ANKMY2: variants seen among roughly 807,000 people sequenced by gnomAD.
ANKMY2 encodes ankyrin repeat and MYND domain containing 2.
In ANKMY2, 36 loss-of-function variants were observed where a neutral mutation model predicts 50.4. The ratio of observed to expected loss-of-function variants is 0.71; its 90% confidence interval spans 0.55 to 0.94. The LOEUF (loss-of-function observed/expected upper bound fraction) is 0.94. Among genes scored for constraint, ANKMY2 ranks in the 40% least tolerant of loss-of-function variants. ANKMY2 has a pLI of 0.00. For synonymous variants in ANKMY2, 187 were observed against 178.8 expected (o/e 1.05, Z -0.36); for missense variants, 565 against 524.0 (o/e 1.08, Z -0.76).
chr7:16,604,986 AG>A, intron 7 of ANKMY2, 137 bp from the exon 8 acceptor site: 3 of 829,952 alleles, frequency 3.6e-6, no homozygotes, highest in Non-Finnish European at 5.1e-6. Context: ...TAGATTACAC[AG>A]GCTTTAAGAC....
intron 5 of ANKMY2, among the ~76,000 whole-genome samples, chr7:16,610,977 A>G (rs908874718): frequency 3.9e-5 from 6 of 152,266 alleles, no homozygotes; most frequent in African/African-American, 1.2e-4. Flanking sequence ...AACTCTGTAT[A>G]TCAAAGTTAT....
intron 7 of ANKMY2, 54 bp from the exon 8 acceptor site, chr7:16,604,903 A>G (rs1217240924): frequency 1.3e-6 from 2 of 1,547,802 alleles, no homozygotes; most frequent in African/African-American, 2.7e-5. Context: ...CCATGGAAAC[A>G]CTACAGAGGT....
chr7:16,607,064 A>G (rs1781173002), intron 7 of ANKMY2, among the ~76,000 whole-genome samples: 1 of 152,230 alleles, frequency 6.6e-6, no homozygotes. Flanking sequence ...TAGAACTTGC[A>G]GAATATGAAA....
intron 2 of ANKMY2, 115 bp from the exon 3 acceptor site, chr7:16,627,293 T>C (rs1781520078): frequency 6.9e-6 from 4 of 580,494 alleles, no homozygotes; most frequent in Non-Finnish European, 1.1e-5. Flanking sequence ...AAATGGTCAT[T>C]ATAATATGTA....
At chr7:16,604,155 G>C (rs1781116595) in intron 8 of ANKMY2, among the ~76,000 whole-genome samples, 2 of 152,184 alleles carry the variant, frequency 1.3e-5, no homozygotes, top group African/African-American at 4.8e-5. Context: ...ATGGGATTAA[G>C]TGAATGTACG....
intron 2 of ANKMY2, among the ~76,000 whole-genome samples, chr7:16,631,044 T>C (rs991143317): frequency 6.6e-6 from 1 of 152,238 alleles, no homozygotes; most frequent in Non-Finnish European, 1.5e-5. Context: ...AATATGATGC[T>C]AAAGTTTGTG....
chr7:16,611,252 G>A (rs1308908358), intron 5 of ANKMY2, among the ~76,000 whole-genome samples: 1 of 152,130 alleles, frequency 6.6e-6, no homozygotes, highest in Non-Finnish European at 1.5e-5. Context: ...GTCTAAAAAT[G>A]AAATATGCTT....
At chr7:16,637,328 G>C (rs372653992) in intron 1 of ANKMY2, among the ~76,000 whole-genome samples, 1 of 152,178 alleles carries the variant, frequency 6.6e-6, no homozygotes. Flanking sequence ...TGTAGTGCAA[G>C]ACTGTGCTAA....
intron 1 of ANKMY2, among the ~76,000 whole-genome samples, chr7:16,640,830 G>C (rs1041238899): frequency 4.6e-5 from 7 of 152,070 alleles, no homozygotes; most frequent in Non-Finnish European, 7.4e-5. Flanking sequence ...TGTCCAGCTG[G>C]ATTGCAATCA....
At chr7:16,642,061 T>A (rs1449445846) in intron 1 of ANKMY2, among the ~76,000 whole-genome samples, 2 of 151,788 alleles carry the variant, frequency 1.3e-5, no homozygotes, top group East Asian at 1.9e-4. Context: ...TGTATCTCAA[T>A]AGTTGGTAAG....
At chr7:16,642,235 G>T (rs1169930055) in intron 1 of ANKMY2, among the ~76,000 whole-genome samples, 1 of 152,126 alleles carries the variant, frequency 6.6e-6, no homozygotes, top group Non-Finnish European at 1.5e-5. Context: ...CTTAAAAAAG[G>T]TTTAATTTAT....
At chr7:16,626,689 C>T (rs745520839) in intron 3 of ANKMY2, among the ~76,000 whole-genome samples, 63 of 152,256 alleles carry the variant, frequency 4.1e-4, no homozygotes, top group Admixed American at 8.5e-4. Flanking sequence ...TCTGTCATGG[C>T]AACTGTTTGA....
At chr7:16,627,315 G>T (rs922633830) in intron 2 of ANKMY2, 137 bp from the exon 3 acceptor site, 10 of 530,292 alleles carry the variant, frequency 1.9e-5, no homozygotes, top group Non-Finnish European at 3.1e-5. Flanking sequence ...TTTTATATTT[G>T]CTTCCACACT....
intron 2 of ANKMY2, among the ~76,000 whole-genome samples, chr7:16,629,139 C>G (rs1275121115): frequency 6.6e-6 from 1 of 152,158 alleles, no homozygotes; most frequent in Non-Finnish European, 1.5e-5. Context: ...AAAAAATTTT[C>G]CTGGCTCTTT....
At chr7:16,605,674 CTTTTTT>C (rs11307797) in intron 7 of ANKMY2, among the ~76,000 whole-genome samples, 1 of 59,608 alleles carries the variant, frequency 1.7e-5, no homozygotes, top group African/African-American at 6.9e-5. Flanking sequence ...ATTTTTTGTA[CTTTTTT>C]TTTTTTTTTT....
At chr7:16,640,507 C>T (rs187348038) in intron 1 of ANKMY2, among the ~76,000 whole-genome samples, 5 of 152,152 alleles carry the variant, frequency 3.3e-5, no homozygotes, top group Admixed American at 2.0e-4. Flanking sequence ...AGATTTCAAT[C>T]GTTATTCATT....
At chr7:16,609,892 A>AAT in intron 6 of ANKMY2, 127 bp from the exon 7 acceptor site, 1 of 1,171,858 alleles carries the variant, frequency 8.5e-7, no homozygotes, top group Non-Finnish European at 1.2e-6. Context: ...AATCATGATG[A>AAT]CGGGCTCAGT....
chr7:16,626,946 T>C (rs1269400655), intron 3 of ANKMY2, 94 bp downstream of exon 3: 2 of 1,110,328 alleles, frequency 1.8e-6, no homozygotes, highest in East Asian at 3.1e-5. Flanking sequence ...GACCATAAAA[T>C]TACTAAAATC....
intron 7 of ANKMY2, among the ~76,000 whole-genome samples, chr7:16,607,472 A>T (rs563577683): frequency 3.9e-5 from 6 of 151,980 alleles, no homozygotes; most frequent in Admixed American, 1.3e-4. Flanking sequence ...GGAGGCTGAG[A>T]CATGAGAATC....
Sources: gnomAD v4.1 joint callset for allele counts (sites outside exome capture counted in the v4.1 genomes callset) on GRCh38, gnomAD v4.1.1 for gene constraint, MANE v1.5 for transcripts, NCBI Gene and HGNC (gene_info 2026-07-23, HGNC 2026-07-21) for gene names.